RRAS2: variants seen among roughly 807,000 people sequenced by gnomAD.
The protein encoded by RRAS2 is RAS related 2, also known as ras-related protein R-Ras2.
RRAS2 carries 7 observed loss-of-function variants against 27.6 expected under a neutral mutation model. That is an observed-to-expected ratio of 0.25 (90% CI 0.14 to 0.48). RRAS2 has a LOEUF of 0.48. RRAS2 is among the 20% of genes least tolerant of loss of function. The probability of loss-of-function intolerance (pLI) is 0.99; values close to 1 mark genes in which losing one functional copy is unlikely to be tolerated. For synonymous variants in RRAS2, 86 were observed against 90.9 expected (o/e 0.95, Z 0.31); for missense variants, 178 against 256.2 (o/e 0.69, Z 2.08).
chr11:14,296,244 C>T, intron 1 of RRAS2, among the ~76,000 whole-genome samples: 1 of 151,910 alleles, frequency 6.6e-6, no homozygotes, highest in African/African-American at 2.4e-5. Flanking sequence ...TACCTGCCTA[C>T]CAATGTACCA....
intron 4 of RRAS2, among the ~76,000 whole-genome samples, chr11:14,290,404 G>C (rs576361425): frequency 2.0e-5 from 3 of 152,282 alleles, no homozygotes; most frequent in Non-Finnish European, 4.4e-5. Context: ...AGCGGAGATC[G>C]TGCCATTGCA....
intron 1 of RRAS2, among the ~76,000 whole-genome samples, chr11:14,308,674 C>T (rs2133980376): frequency 6.6e-6 from 1 of 152,318 alleles, no homozygotes; most frequent in Non-Finnish European, 1.5e-5. Flanking sequence ...TAAGTCACTC[C>T]TCACTGACAC....
At chr11:14,295,879 T>A (rs782166856) in intron 1 of RRAS2, 24 bp from the exon 2 acceptor site, 24 of 1,606,014 alleles carry the variant, frequency 1.5e-5, no homozygotes, top group Non-Finnish European at 2.0e-5. Flanking sequence ...AAAAACTTTA[T>A]TTTAAAATTC....
chr11:14,359,229 CGGGGA>C, upstream of RRAS2: 2 of 92,736 alleles, frequency 2.2e-5, no homozygotes, highest in Non-Finnish European at 4.3e-5. Flanking sequence ...CATGAGGGGG[CGGGGA>C]GGGGCGGGGC....
chr11:14,301,505 T>C (rs1847703922), intron 1 of RRAS2, among the ~76,000 whole-genome samples: 1 of 152,226 alleles, frequency 6.6e-6, no homozygotes, highest in Admixed American at 6.5e-5. Context: ...TTACTTTTAT[T>C]GTCCATTTCT....
chr11:14,296,992 C>CGCT (rs1847571799), intron 1 of RRAS2, among the ~76,000 whole-genome samples: 2 of 152,154 alleles, frequency 1.3e-5, no homozygotes. Flanking sequence ...TCATACCACT[C>CGCT]TGCACTCTAG....
intron 4 of RRAS2, among the ~76,000 whole-genome samples, chr11:14,287,190 C>T (rs1377907612): frequency 3.9e-5 from 6 of 152,134 alleles, no homozygotes; most frequent in Non-Finnish European, 7.4e-5. Context: ...TAAAATTTTT[C>T]GTTGTGTTTT....
intron 1 of RRAS2, among the ~76,000 whole-genome samples, chr11:14,311,755 T>A (rs782644224): frequency 6.6e-6 from 1 of 152,222 alleles, no homozygotes; most frequent in Non-Finnish European, 1.5e-5. Flanking sequence ...ATGTGCTTGT[T>A]TCACAAGAAC....
intron 1 of RRAS2, among the ~76,000 whole-genome samples, chr11:14,302,109 C>CACACACACACAT (rs1415452446): frequency 2.0e-4 from 28 of 138,908 alleles, no homozygotes; most frequent in Middle Eastern, 7.0e-3. Context: ...CACACACACA[C>CACACACACACAT]ACCAAAAACC....
At chr11:14,310,545 A>C (rs541541904) in intron 1 of RRAS2, among the ~76,000 whole-genome samples, 82 of 152,208 alleles carry the variant, frequency 5.4e-4, no homozygotes, top group Non-Finnish European at 1.1e-3. Context: ...GCGAAAGATA[A>C]GGGTTGCTGA....
chr11:14,303,394 A>C (rs374004022), intron 1 of RRAS2, among the ~76,000 whole-genome samples: 2 of 152,282 alleles, frequency 1.3e-5, no homozygotes, highest in East Asian at 3.9e-4. Flanking sequence ...TTGTTCCTGA[A>C]TGAAATCTAA....
chr11:14,360,159 C>T (rs1347246771), upstream of RRAS2, among the ~76,000 whole-genome samples: 1 of 150,142 alleles, frequency 6.7e-6, no homozygotes, highest in East Asian at 2.0e-4. Context: ...GCATGCCAGT[C>T]GAAGTCTGAT....
chr11:14,291,728 T>C (rs1378131523), intron 4 of RRAS2, among the ~76,000 whole-genome samples: 1 of 151,912 alleles, frequency 6.6e-6, no homozygotes, highest in East Asian at 1.9e-4. Context: ...AATCCAATGA[T>C]ATACAAACAA....
intron 1 of RRAS2, among the ~76,000 whole-genome samples, chr11:14,353,709 G>A (rs999616231): frequency 6.6e-6 from 1 of 151,834 alleles, no homozygotes; most frequent in Non-Finnish European, 1.5e-5. Flanking sequence ...GAAAGAGAAT[G>A]AACAAAACAA....
chr11:14,356,558 G>A, intron 1 of RRAS2: 1 of 261,576 alleles, frequency 3.8e-6, no homozygotes, highest in Admixed American at 5.4e-5. Flanking sequence ...GAGGCTCAGA[G>A]AGGCTGAGTA....
chr11:14,363,725 C>T (rs1410382637), upstream of RRAS2, among the ~76,000 whole-genome samples: 1 of 151,468 alleles, frequency 6.6e-6, no homozygotes, highest in Non-Finnish European at 1.5e-5. Flanking sequence ...GAGCAGAGAT[C>T]GTGCCACTGC....
At chr11:14,335,177 T>C (rs141633152) in intron 1 of RRAS2, among the ~76,000 whole-genome samples, 1 of 152,332 alleles carries the variant, frequency 6.6e-6, no homozygotes, top group Non-Finnish European at 1.5e-5. Flanking sequence ...TTCTGTTCAG[T>C]CATCTTGTTC....
intron 1 of RRAS2, among the ~76,000 whole-genome samples, chr11:14,319,580 G>A (rs553665208): frequency 4.0e-5 from 6 of 151,136 alleles, no homozygotes; most frequent in Admixed American, 6.6e-5. Context: ...GGATGGTCTC[G>A]ATCTCCTGAC....
chr11:14,338,888 C>T (rs990761441), intron 1 of RRAS2, among the ~76,000 whole-genome samples: 1 of 151,882 alleles, frequency 6.6e-6, no homozygotes, highest in Non-Finnish European at 1.5e-5. Flanking sequence ...GATGGGGAAA[C>T]GGTTTTTCAC....
Sources: gnomAD v4.1 joint callset for allele counts (sites outside exome capture counted in the v4.1 genomes callset) on GRCh38, gnomAD v4.1.1 for gene constraint, MANE v1.5 for transcripts, NCBI Gene and HGNC (gene_info 2026-07-23, HGNC 2026-07-21) for gene names.